Variants in ROR2 observed in about 807,000 individuals in gnomAD.
The protein encoded by ROR2 is ROR family WNT receptor 2.
In ROR2, 33 loss-of-function variants were observed where a neutral mutation model predicts 74.9. The observed-to-expected ratio is 0.44, with a 90% CI of 0.33 to 0.59. ROR2 has a LOEUF of 0.59. Among genes scored for constraint, ROR2 ranks in the 20% least tolerant of loss-of-function variants. The pLI is 0.02. For synonymous variants in ROR2, 586 were observed against 558.7 expected (o/e 1.05, Z -0.69); for missense variants, 1,216 against 1,313.8 (o/e 0.93, Z 1.15).
rs374811924 is a variant in ROR2, at chr9:91,724,864, T to C, written c.1630A>G (p.Thr544Ala). Residue 544 changes from threonine (T) to alanine (A), a missense_variant, in exon 9 of 9, where the codon ACC (threonine) becomes GCC (alanine). By Grantham distance (58) the Thr-to-Ala change is moderately conservative (BLOSUM62 0). Transcript: ENST00000375708. ...PNVVCLLGVV[T>A]KDQPLSMIFS... ...ATCATGCTCAGGGGCTGGTCCTTGG[T>C]CACCACGCCCAGCAGGCAGACGACG... 102 of 1,601,786 alleles carry C rather than the reference T, an allele frequency of 6.4e-5. No individual in the cohort carries two copies. Among genetic ancestry groups the C allele is most frequent in the Non-Finnish European group, 8.4e-5 (99 of 1,172,160 alleles).
chr9:91,903,209 C>A (rs567840933), intron 1 of ROR2, among the ~76,000 whole-genome samples: 1 of 152,174 alleles, frequency 6.6e-6, no homozygotes, highest in South Asian at 2.1e-4. Context: ...TTAAAACTGC[C>A]ACATCCAGAG....
intron 1 of ROR2, among the ~76,000 whole-genome samples, chr9:91,881,338 C>T (rs1412283208): frequency 6.6e-6 from 1 of 152,148 alleles, no homozygotes; most frequent in African/African-American, 2.4e-5. Flanking sequence ...TGTTAAAATG[C>T]TAGTACAATG....
rs141364215 is a variant in ROR2 at position 91,776,498 on chromosome 9, G to A, written c.98-680C>T. Among the ~76,000 whole-genome samples, 69 of 152,268 alleles carry A rather than the reference G, an allele frequency of 4.5e-4. No individual in the cohort carries two copies. The South Asian group carries it at 9.8e-3, about 22-fold the overall frequency. Reference sequence around the variant, plus strand: ...CTGCAAACCATACACCTCTCCCGGGGCAATCCTACCATTCTTCCTCAGGTT... The same window carrying A: ...CTGCAAACCATACACCTCTCCCGGGACAATCCTACCATTCTTCCTCAGGTT... On this transcript the variant is annotated intron_variant, in intron 1 of 8. Transcript: ENST00000375708.
intron 1 of ROR2, among the ~76,000 whole-genome samples, chr9:91,778,683 C>T (rs769329826): frequency 3.3e-5 from 5 of 152,158 alleles, no homozygotes; most frequent in East Asian, 3.9e-4. Flanking sequence ...ACACGTCCTC[C>T]GTTTGGGTAA....
intron 1 of ROR2, among the ~76,000 whole-genome samples, chr9:91,873,501 T>C (rs1157776214): frequency 1.1e-4 from 16 of 152,142 alleles, no homozygotes; most frequent in African/African-American, 2.4e-5. Context: ...GACAGGAGAA[T>C]TGCTTGAACC....
intron 1 of ROR2, among the ~76,000 whole-genome samples, chr9:91,946,269 T>A (rs186411433): frequency 6.3e-4 from 96 of 152,304 alleles, no homozygotes; most frequent in Admixed American, 2.2e-3. Context: ...TATTCTCCAC[T>A]TGGTGGTCAC....
chr9:91,924,425 C>G (rs1288097162), intron 1 of ROR2, among the ~76,000 whole-genome samples: 2 of 152,226 alleles, frequency 1.3e-5, no homozygotes, highest in African/African-American at 4.8e-5. Context: ...CCCAGGCCCT[C>G]TATGGGAATC....
intron 1 of ROR2, among the ~76,000 whole-genome samples, chr9:91,922,578 G>A (rs547887214): frequency 2.6e-5 from 4 of 151,906 alleles, no homozygotes; most frequent in African/African-American, 7.2e-5. Context: ...CTCAGCCTCC[G>A]AAGTAGCTGG....
intron 1 of ROR2, among the ~76,000 whole-genome samples, chr9:91,861,179 A>G (rs905049032): frequency 6.6e-6 from 1 of 152,228 alleles, no homozygotes; most frequent in Admixed American, 6.5e-5. Flanking sequence ...AAAGATGGAA[A>G]TACTCCTCAA....
intron 4 of ROR2, among the ~76,000 whole-genome samples, chr9:91,751,034 G>C (rs761538898): frequency 6.6e-6 from 1 of 152,132 alleles, no homozygotes. Context: ...TGAATGACTT[G>C]GCCATCATAG....
chr9:91,880,500 T>C (rs1199201618), intron 1 of ROR2, among the ~76,000 whole-genome samples: 1 of 152,186 alleles, frequency 6.6e-6, no homozygotes, highest in Non-Finnish European at 1.5e-5. Context: ...AGTAAATCCA[T>C]GAATATAGTG....
At chr9:91,932,393 A>G (rs1831569242) in intron 1 of ROR2, among the ~76,000 whole-genome samples, 1 of 152,190 alleles carries the variant, frequency 6.6e-6, no homozygotes, top group Non-Finnish European at 1.5e-5. Flanking sequence ...GAACGTGAGG[A>G]AAAAAACACG....
intron 1 of ROR2, among the ~76,000 whole-genome samples, chr9:91,926,518 C>T (rs1488757180): frequency 1.1e-4 from 16 of 140,514 alleles, no homozygotes; most frequent in African/African-American, 4.1e-4. Context: ...TGCACTCCAG[C>T]CTGGGCGACA....
chr9:91,765,118 A>C (rs1178882630), intron 2 of ROR2, among the ~76,000 whole-genome samples: 4 of 152,182 alleles, frequency 2.6e-5, no homozygotes, highest in African/African-American at 9.7e-5. Flanking sequence ...GTATTTCATA[A>C]AATATTAAAT....
intron 7 of ROR2, among the ~76,000 whole-genome samples, chr9:91,730,621 T>G (rs1837206455): frequency 6.6e-6 from 1 of 152,140 alleles, no homozygotes; most frequent in African/African-American, 2.4e-5. Flanking sequence ...CCACCGCACC[T>G]GGCTAATTTT....
intron 2 of ROR2, among the ~76,000 whole-genome samples, chr9:91,760,970 T>C (rs1437237212): frequency 2.0e-5 from 3 of 152,242 alleles, no homozygotes; most frequent in African/African-American, 4.8e-5. Context: ...TAAATGACTT[T>C]AGGTTTATAG....
In ROR2 at chr9:91,723,728, C is replaced by G. The variant is rs1374283163; in HGVS notation, c.2766G>C (p.Glu922Asp). 6.2e-7 allele frequency: 1 copy of G among 1,614,006 alleles called. No individual in the cohort carries two copies. ...TGTCACAGTCCCCCAGCAGCTCAGT[C>G]TCTGGGACAGAGCCTTCCTCCTCCT... ...AEEEEEGSVPETELLGDCDTL... is the reference protein window; with the variant it reads ...AEEEEEGSVPDTELLGDCDTL... Residue 922 changes from glutamate (E) to aspartate (D), a missense_variant, in exon 9 of 9, where the codon GAG (glutamate) becomes GAC (aspartate). Glu to Asp is a conservative substitution (Grantham distance 45). Coordinates refer to ENST00000375708, the MANE Select transcript of ROR2 (RefSeq NM_004560.4).
chr9:91,927,449 G>A (rs928492280), intron 1 of ROR2, among the ~76,000 whole-genome samples: 7 of 152,108 alleles, frequency 4.6e-5, no homozygotes, highest in African/African-American at 1.7e-4. Flanking sequence ...GGGACCAGGG[G>A]AGAAAAAAGT....
At chr9:91,859,543 C>T (rs775925849) in intron 1 of ROR2, among the ~76,000 whole-genome samples, 1 of 152,132 alleles carries the variant, frequency 6.6e-6, no homozygotes, top group Non-Finnish European at 1.5e-5. Flanking sequence ...ATGTTTCAGG[C>T]CAGGCAGGGT....
Sources: allele counts gnomAD v4.1 joint callset (sites outside exome capture counted in the v4.1 genomes callset), GRCh38; gene constraint gnomAD v4.1.1; transcripts MANE v1.5; gene names NCBI Gene and HGNC (gene_info 2026-07-23, HGNC 2026-07-21).